ADARB2: variants seen among roughly 807,000 people sequenced by gnomAD.
ADARB2 encodes the protein adenosine deaminase RNA specific B2 (inactive), also known as inactive double-stranded RNA-specific editase B2.
In ADARB2, 25 loss-of-function variants were observed where a neutral mutation model predicts 62.2. The ratio of observed to expected loss-of-function variants is 0.40; its 90% CI spans 0.29 to 0.56. ADARB2 has a LOEUF of 0.56. Among genes scored for constraint, ADARB2 ranks in the 20% least tolerant of loss-of-function variants. The pLI, the probability that ADARB2 is intolerant of heterozygous loss-of-function variation, is 0.43. For missense variants in ADARB2, 1,071 were observed against 1,077.4 expected (o/e 0.99, Z 0.08); for synonymous variants, 572 against 500.8 (o/e 1.14, Z -1.90).
intron 3 of ADARB2, among the ~76,000 whole-genome samples, chr10:1,351,943 C>T (rs190372302): frequency 0.036 from 5,151 of 143,838 alleles, 817 homozygotes; most frequent in African/African-American, 0.14. Flanking sequence ...CTATCTTCAA[C>T]ACCTCCCTCC....
At chr10:1,495,626 C>A (rs1306691210) in intron 1 of ADARB2, among the ~76,000 whole-genome samples, 1 of 65,956 alleles carries the variant, frequency 1.5e-5, no homozygotes, top group Non-Finnish European at 4.2e-5. Flanking sequence ...ATATTCCATT[C>A]CATTAGTTAG....
chr10:1,469,903 G>C (rs893165949), intron 1 of ADARB2, among the ~76,000 whole-genome samples: 3 of 152,220 alleles, frequency 2.0e-5, no homozygotes, highest in African/African-American at 7.2e-5. Flanking sequence ...TCAGGTCTTG[G>C]AGACAAGAAT....
intron 1 of ADARB2, among the ~76,000 whole-genome samples, chr10:1,731,835 C>T (rs907919772): frequency 6.6e-6 from 1 of 152,100 alleles, no homozygotes; most frequent in Non-Finnish European, 1.5e-5. Context: ...TGAAGGGCAG[C>T]CAGGCTTTTC....
chr10:1,683,249 G>T (rs540396567), intron 1 of ADARB2, among the ~76,000 whole-genome samples: 1 of 152,040 alleles, frequency 6.6e-6, no homozygotes, highest in African/African-American at 2.4e-5. Context: ...GGCATCTCTT[G>T]GTTCTAAATT....
chr10:1,456,579 T>A (rs902810008), intron 1 of ADARB2, among the ~76,000 whole-genome samples: 4 of 152,256 alleles, frequency 2.6e-5, no homozygotes, highest in African/African-American at 9.6e-5. Flanking sequence ...CAGCTCTGCC[T>A]CAGCAACGAT....
chr10:1,426,560 C>T lies in ADARB2; in HGVS notation c.101-47400G>A, dbSNP rs1832895000. On this transcript the variant is annotated intron_variant, in intron 1 of 9. Transcript: ENST00000381312. The surrounding 1 kb of genome is among the most constrained non-coding windows in gnomAD (Gnocchi z 4.1). ...GAGGCCTCAGTTCTGCCTCTCTCCCCTGTTGTGGCCTTGGAAGGAAAAGCC... is the reference window on the plus strand; with the variant it reads ...GAGGCCTCAGTTCTGCCTCTCTCCCTTGTTGTGGCCTTGGAAGGAAAAGCC... Among the ~76,000 whole-genome samples the T allele has an allele frequency of 6.6e-6, 1 of 152,174 alleles. No homozygotes were observed. The highest frequency in any genetic ancestry group is 1.5e-5 in the Non-Finnish European group (1 of 68,034).
At chr10:1,389,483 G>C (rs972442965) in intron 1 of ADARB2, among the ~76,000 whole-genome samples, 6 of 152,108 alleles carry the variant, frequency 3.9e-5, no homozygotes, top group Non-Finnish European at 5.9e-5. Flanking sequence ...TACTTGAACA[G>C]AAACTTCACT....
At chr10:1,473,030 A>C (rs1319477193) in intron 1 of ADARB2, among the ~76,000 whole-genome samples, 1 of 152,206 alleles carries the variant, frequency 6.6e-6, no homozygotes, top group African/African-American at 2.4e-5. Flanking sequence ...TCAGGCGTGC[A>C]CATGTGGACA....
At chr10:1,563,719 C>T (rs867408616) in intron 1 of ADARB2, among the ~76,000 whole-genome samples, 3,743 of 149,596 alleles carry the variant, frequency 0.025, 82 homozygotes, top group Middle Eastern at 0.058. Flanking sequence ...CATGCTGGTG[C>T]ACTGCACCCA....
At chr10:1,228,323 T>C (rs1365425977) in intron 6 of ADARB2, among the ~76,000 whole-genome samples, 2 of 152,148 alleles carry the variant, frequency 1.3e-5, no homozygotes, top group African/African-American at 4.8e-5. Context: ...GAAAGAAGAA[T>C]TTGCAGGCAG....
intron 1 of ADARB2, among the ~76,000 whole-genome samples, chr10:1,432,549 G>A (rs1418975293): frequency 6.7e-6 from 1 of 149,240 alleles, no homozygotes; most frequent in Non-Finnish European, 1.5e-5. Context: ...AATCTAGGAT[G>A]CACGTTCACT....
At chr10:1,588,300 C>T (rs919397250) in intron 1 of ADARB2, among the ~76,000 whole-genome samples, 1 of 152,170 alleles carries the variant, frequency 6.6e-6, no homozygotes. Flanking sequence ...TTTTGAGATA[C>T]CCCGGATGCT....
At chr10:1,518,283 A>C (rs1245881922) in intron 1 of ADARB2, among the ~76,000 whole-genome samples, 1 of 152,202 alleles carries the variant, frequency 6.6e-6, no homozygotes, top group Non-Finnish European at 1.5e-5. Context: ...CCACGTTCTC[A>C]TGCCAGAACC....
At chr10:1,215,900 G>A (rs1039814807) in intron 7 of ADARB2, 2 of 151,944 alleles carry the variant, frequency 1.3e-5, no homozygotes, top group African/African-American at 4.8e-5. Flanking sequence ...TCAGATCAAC[G>A]TTGGGGAGGT....
chr10:1,486,210 CTGTGTGTGTGTGTGTGTGTGTGTG>C (rs61283089), intron 1 of ADARB2, among the ~76,000 whole-genome samples: 3 of 142,858 alleles, frequency 2.1e-5, no homozygotes, highest in Admixed American at 2.1e-4. Context: ...GTGTGGACGC[CTGTGTGTGTGTGTGTGTGTGTGTG>C]TGTGTGTGTG....
chr10:1,532,800 C>CA (rs763414310), intron 1 of ADARB2, among the ~76,000 whole-genome samples: 2 of 152,192 alleles, frequency 1.3e-5, no homozygotes, highest in Admixed American at 6.5e-5. Flanking sequence ...AGGGCACAGG[C>CA]AGGAGCCTGA....
chr10:1,633,949 CA>C (rs1833882219), intron 1 of ADARB2, among the ~76,000 whole-genome samples: 1 of 152,176 alleles, frequency 6.6e-6, no homozygotes, highest in Non-Finnish European at 1.5e-5. Flanking sequence ...CATGGCACCT[CA>C]CGAGCCCCAT....
chr10:1,590,517 C>A (rs1236312199), intron 1 of ADARB2, among the ~76,000 whole-genome samples: 1 of 152,178 alleles, frequency 6.6e-6, no homozygotes, highest in South Asian at 2.1e-4. Context: ...GAGGCATTTT[C>A]TCTGGACCTG....
chr10:1,614,166 A>G (rs1401914346), intron 1 of ADARB2, among the ~76,000 whole-genome samples: 5 of 152,226 alleles, frequency 3.3e-5, no homozygotes, highest in East Asian at 1.9e-4. Flanking sequence ...AAAAATTTAT[A>G]TTTTTGTACA....
Sources: allele counts gnomAD v4.1 joint callset (sites outside exome capture counted in the v4.1 genomes callset), GRCh38; gene constraint gnomAD v4.1.1; non-coding constraint Gnocchi (gnomAD v3.1); transcripts MANE v1.5; gene names NCBI Gene and HGNC (gene_info 2026-07-23, HGNC 2026-07-21).